The following VWA3B variants were observed in gnomAD, a reference collection of about 807,000 sequenced individuals.
The protein encoded by VWA3B is von Willebrand factor A domain-containing protein 3B.
A neutral mutation model predicts 158.3 loss-of-function variants in VWA3B; 138 were observed. The observed-to-expected ratio is 0.87, with a 90% CI of 0.76 to 1.00. The LOEUF is 1.00. VWA3B is among the 50% of genes least tolerant of loss of function. The pLI, the probability that VWA3B is intolerant of heterozygous loss-of-function variation, is 0.00. For synonymous variants in VWA3B, 596 were observed against 587.3 expected (o/e 1.01, Z -0.21); for missense variants, 1,555 against 1,565.1 (o/e 0.99, Z 0.11).
At chr2:98,133,984 G>C in intron 7 of VWA3B, 45 bp downstream of exon 7, 1 of 1,514,862 alleles carries the variant, frequency 6.6e-7, no homozygotes, top group South Asian at 1.1e-5. Context: ...GTCCCGAATA[G>C]CCTCAGACGA....
intron 21 of VWA3B, among the ~76,000 whole-genome samples, chr2:98,266,066 A>G (rs1450029278): frequency 1.3e-5 from 2 of 148,710 alleles, no homozygotes; most frequent in African/African-American, 2.5e-5. Flanking sequence ...CCATTTGTCA[A>G]TTTTTTCTTT....
At position 98,186,158 on chromosome 2, in the gene VWA3B, A is replaced by ATTT. The variant is rs377014875; in HGVS notation, c.1312-1801_1312-1799dup. Among the ~76,000 whole-genome samples, 82 of 128,346 alleles carry ATTT rather than the reference A, an allele frequency of 6.4e-4. 2 individuals are homozygous for ATTT. The highest frequency in any genetic ancestry group is 7.3e-4 in the Admixed American group (9 of 12,270). The allele number at this position is 128,346 out of a possible 152,430, so 84.2% of individuals were successfully genotyped here. On this transcript the variant is annotated intron_variant, in intron 9 of 27. Transcript: ENST00000477737. The stretch of plus-strand genomic sequence containing the variant: ...TTGATCTAGTTGGTCACTTCCTTGA[A>ATTT]TTTTTTTTTTTTTTTTTTGCAGAAT...
At chr2:98,156,504 A>C (rs1678090017) in intron 7 of VWA3B, among the ~76,000 whole-genome samples, 1 of 152,166 alleles carries the variant, frequency 6.6e-6, no homozygotes, top group Admixed American at 6.5e-5. Context: ...GTTGCTCCCC[A>C]GTAACAATAG....
chr2:98,180,828 A>G (rs1680509904), intron 8 of VWA3B, among the ~76,000 whole-genome samples, 188 bp from the exon 9 acceptor site: 1 of 152,262 alleles, frequency 6.6e-6, no homozygotes, highest in Non-Finnish European at 1.5e-5. Context: ...GTGCAAAAGT[A>G]GTCGTGGTTT....
intron 12 of VWA3B, among the ~76,000 whole-genome samples, chr2:98,200,811 T>C (rs1365555520): frequency 2.0e-5 from 3 of 152,226 alleles, no homozygotes; most frequent in African/African-American, 7.2e-5. Context: ...TTACATTCTG[T>C]GTTTAAGAAT....
chr2:98,304,209 C>T (rs145603141), intron 26 of VWA3B, among the ~76,000 whole-genome samples: 375 of 152,212 alleles, frequency 2.5e-3, no homozygotes, highest in African/African-American at 7.8e-3. Flanking sequence ...GTTGGAGGGG[C>T]GGTGGCTTCC....
At position 98,256,017 on chromosome 2, in the gene VWA3B, G is replaced by A. The variant is rs561849439; in HGVS notation, c.2793-107G>A. 31 of 1,222,104 alleles carry A rather than the reference G, an allele frequency of 2.5e-5. No homozygotes were observed. The South Asian group carries it at 3.2e-4, about 13-fold the overall frequency. The allele number at this position is 1,222,104 out of a possible 1,614,324, so 75.7% of individuals were successfully genotyped here. A position where few individuals can be genotyped will look rare whatever the true frequency, so the allele number is the denominator to read the frequency against. On this transcript the variant is annotated intron_variant, in intron 20 of 27. Transcript: ENST00000477737. ...AAGCACATGACAGTGGCCTGGCTCA[G>A]TGGAGATGATGCTTAGATGGGCTCC...
intron 7 of VWA3B, among the ~76,000 whole-genome samples, chr2:98,154,525 C>T (rs1192342892): frequency 6.6e-6 from 1 of 152,154 alleles, no homozygotes. Context: ...GTTCCCACTC[C>T]CGTCTTGGGC....
intron 19 of VWA3B, among the ~76,000 whole-genome samples, chr2:98,244,035 T>C (rs1558719006): frequency 6.6e-6 from 1 of 152,200 alleles, no homozygotes; most frequent in Non-Finnish European, 1.5e-5. Flanking sequence ...TTCAAAATGT[T>C]TTGTGATTGC....
intron 12 of VWA3B, among the ~76,000 whole-genome samples, chr2:98,210,999 G>T (rs1683460382): frequency 6.6e-6 from 1 of 152,216 alleles, no homozygotes; most frequent in Admixed American, 6.5e-5. Context: ...AATACTCCCA[G>T]TGCCAGCGAG....
chr2:98,179,916 TCTCCTTCCTC>T (rs1204616114), intron 8 of VWA3B, among the ~76,000 whole-genome samples: 2 of 141,712 alleles, frequency 1.4e-5, no homozygotes, highest in East Asian at 2.4e-4. Context: ...CTTCTCTCTC[TCTCCTTCCTC>T]CCTTCCTCCC....
At position 98,186,158 on chromosome 2, in the gene VWA3B, A is replaced by ATTTTTTTTT. The variant is rs377014875; in HGVS notation, c.1312-1807_1312-1799dup. On this transcript the variant is annotated intron_variant, in intron 9 of 27. Transcript: ENST00000477737. ...TTGATCTAGTTGGTCACTTCCTTGA[A>ATTTTTTTTT]TTTTTTTTTTTTTTTTTTGCAGAAT... 1.9e-4 allele frequency among the ~76,000 whole-genome samples: 25 copies of ATTTTTTTTT among 128,360 alleles called. No homozygotes were observed. The East Asian group carries it at 3.1e-3, about 16-fold the overall frequency. The allele number at this position is 128,360 out of a possible 152,430, so 84.2% of individuals were successfully genotyped here.
At chr2:98,240,838 A>T (rs1254981388) in intron 19 of VWA3B, among the ~76,000 whole-genome samples, 2 of 152,142 alleles carry the variant, frequency 1.3e-5, no homozygotes, top group Non-Finnish European at 2.9e-5. Flanking sequence ...GTTGTTATGG[A>T]ATTAAAAGAA....
At chr2:98,157,366 G>A (rs548531971) in intron 7 of VWA3B, among the ~76,000 whole-genome samples, 28 of 152,266 alleles carry the variant, frequency 1.8e-4, no homozygotes, top group African/African-American at 5.8e-4. Context: ...TCTGTGGTTA[G>A]GGCAGTGGGG....
chr2:98,279,644 A>G (rs992127935), intron 22 of VWA3B, among the ~76,000 whole-genome samples: 1 of 152,222 alleles, frequency 6.6e-6, no homozygotes, highest in African/African-American at 2.4e-5. Flanking sequence ...ACCCCAGGAC[A>G]AGCAATAGCA....
intron 14 of VWA3B, among the ~76,000 whole-genome samples, chr2:98,227,106 T>C (rs995285759): frequency 6.6e-6 from 1 of 152,200 alleles, no homozygotes; most frequent in Admixed American, 6.5e-5. Flanking sequence ...AGTCAAATTG[T>C]CTCTGTTTGC....
chr2:98,286,202 A>G (rs1689157834), intron 22 of VWA3B, among the ~76,000 whole-genome samples: 1 of 152,116 alleles, frequency 6.6e-6, no homozygotes, highest in East Asian at 1.9e-4. Context: ...TCACATACAG[A>G]ATCATGTCAT....
At chr2:98,188,154 C>CAA in intron 10 of VWA3B, 25 bp downstream of exon 10, 1 of 1,600,780 alleles carries the variant, frequency 6.2e-7, no homozygotes, top group South Asian at 1.1e-5. Flanking sequence ...CAGGAAGTTA[C>CAA]AAGTGGTCTC....
chr2:98,276,059 G>C (rs1180127419), intron 22 of VWA3B, among the ~76,000 whole-genome samples: 1 of 152,178 alleles, frequency 6.6e-6, no homozygotes, highest in African/African-American at 2.4e-5. Flanking sequence ...CCCTCAACAG[G>C]CTGTCGAAAG....
Sources: gnomAD v4.1 joint callset for allele counts (sites outside exome capture counted in the v4.1 genomes callset) on GRCh38, gnomAD v4.1.1 for gene constraint, MANE v1.5 for transcripts, NCBI Gene and HGNC (gene_info 2026-07-23, HGNC 2026-07-21) for gene names.